The following SLC4A1AP variants were observed in gnomAD, a reference collection of about 807,000 sequenced individuals.
SLC4A1AP encodes the protein kanadaptin.
SLC4A1AP carries 64 observed loss-of-function variants against 89.7 expected under a neutral mutation model. The observed-to-expected ratio is 0.71, with a 90% CI of 0.58 to 0.88. The LOEUF is 0.88. Among genes scored for constraint, SLC4A1AP ranks in the 40% least tolerant of loss-of-function variants. The pLI is 0.00. For missense variants in SLC4A1AP, 931 were observed against 965.0 expected (o/e 0.96, Z 0.47); for synonymous variants, 366 against 353.3 (o/e 1.04, Z -0.40).
exon 13 of SLC4A1AP, chr2:27,693,720 T>C: frequency 3.1e-6 from 5 of 1,612,488 alleles, no homozygotes; most frequent in Non-Finnish European, 4.2e-6. Flanking sequence ...ATCCTGAAGA[T>C]GACCCAGACT....
Position 27,679,320 on chromosome 2 carries a change from C to T in SLC4A1AP, c.1763+1396C>T, listed in dbSNP as rs75196345. Among the ~76,000 whole-genome samples the T allele has an allele frequency of 9.2e-3, 1,405 of 152,210 alleles. 17 individuals carry two copies. Among genetic ancestry groups the T allele is most frequent in the African/African-American group, 0.032 (1,330 of 41,520 alleles). ...CAAAGGGGATGGATTAAATAAATTG[C>T]GGCCAGGTGCTGCGGCTTACGCCTG... On this transcript the variant is annotated intron_variant, in intron 8 of 13. Transcript: ENST00000613058.
intron 5 of SLC4A1AP, among the ~76,000 whole-genome samples, chr2:27,671,418 T>A (rs1447753406): frequency 6.6e-6 from 1 of 152,212 alleles, no homozygotes; most frequent in Non-Finnish European, 1.5e-5. Context: ...TTTTCATGTG[T>A]TTGGGGCTTT....
At chr2:27,682,296 A>G (rs1012876322) in exon 9 of SLC4A1AP, 1 of 1,613,988 alleles carries the variant, frequency 6.2e-7, no homozygotes, top group South Asian at 1.1e-5. Flanking sequence ...AAAAGCTTAC[A>G]TTGCCTCTAT....
At chr2:27,684,118 T>C (rs912557630) in intron 9 of SLC4A1AP, among the ~76,000 whole-genome samples, 5 of 152,096 alleles carry the variant, frequency 3.3e-5, no homozygotes. Flanking sequence ...ATTTTAGAAC[T>C]AAGTCCTATA....
intron 5 of SLC4A1AP, 66 bp from the exon 6 acceptor site, chr2:27,675,466 C>A: frequency 8.4e-7 from 1 of 1,183,668 alleles, no homozygotes; most frequent in Non-Finnish European, 1.2e-6. Context: ...TCCTTGCCTA[C>A]TTGCCTTCTT....
intron 12 of SLC4A1AP, 51 bp downstream of exon 12, chr2:27,688,818 C>G (rs1402319436): frequency 7.4e-7 from 1 of 1,357,686 alleles, no homozygotes; most frequent in Non-Finnish European, 1.0e-6. Context: ...TGTCATGGAC[C>G]ACATCCAGAA....
chr2:27,675,726 T>C (rs1675509654), intron 6 of SLC4A1AP, 34 bp downstream of exon 6: 1 of 1,417,026 alleles, frequency 7.1e-7, no homozygotes, highest in Non-Finnish European at 9.5e-7. Context: ...CTGTGGTATT[T>C]AATAGTTTAA....
chr2:27,687,585 T>G (rs1675723373), intron 10 of SLC4A1AP, among the ~76,000 whole-genome samples: 1 of 152,140 alleles, frequency 6.6e-6, no homozygotes, highest in African/African-American at 2.4e-5. Flanking sequence ...AGAAAAACCC[T>G]GTTTCTAAAA....
chr2:27,687,396 A>G (rs1439033422), intron 10 of SLC4A1AP, among the ~76,000 whole-genome samples: 1 of 152,040 alleles, frequency 6.6e-6, no homozygotes. Context: ...CAGCCTGGAC[A>G]AGATAGTGAA....
chr2:27,685,247 C>G (rs1489331645), exon 10 of SLC4A1AP: 1 of 1,611,904 alleles, frequency 6.2e-7, no homozygotes, highest in Non-Finnish European at 8.5e-7. Flanking sequence ...TCCCACAGAT[C>G]TCACACATTT....
chr2:27,686,635 G>C (rs1255268506), intron 10 of SLC4A1AP, among the ~76,000 whole-genome samples: 1 of 152,146 alleles, frequency 6.6e-6, no homozygotes, highest in African/African-American at 2.4e-5. Flanking sequence ...GGGCGTGATG[G>C]TGCATGCTTG....
chr2:27,689,797 A>G (rs139017449), intron 12 of SLC4A1AP, among the ~76,000 whole-genome samples: 1 of 152,338 alleles, frequency 6.6e-6, no homozygotes, highest in Non-Finnish European at 1.5e-5. Flanking sequence ...CTGGATTCCC[A>G]GATGCCAGCC....
chr2:27,684,135 A>G (rs2148138473), intron 9 of SLC4A1AP, among the ~76,000 whole-genome samples: 1 of 152,266 alleles, frequency 6.6e-6, no homozygotes, highest in Non-Finnish European at 1.5e-5. Context: ...TATATTTAAA[A>G]GATAATATAG....
At chr2:27,667,846 A>G (rs1378377860) in intron 3 of SLC4A1AP, among the ~76,000 whole-genome samples, 2 of 151,350 alleles carry the variant, frequency 1.3e-5, no homozygotes, top group Admixed American at 6.6e-5. Flanking sequence ...ATCTATGTAT[A>G]TGTATGTATA....
chr2:27,683,482 G>T (rs2148138162), intron 9 of SLC4A1AP, among the ~76,000 whole-genome samples: 1 of 152,226 alleles, frequency 6.6e-6, no homozygotes, highest in African/African-American at 2.4e-5. Flanking sequence ...TCTTCAGATG[G>T]CCATCCCTCT....
chr2:27,666,517 C>T lies in SLC4A1AP; in HGVS notation c.1022-751C>T, dbSNP rs1675326240. Among the ~76,000 whole-genome samples, 3 of 152,090 alleles carry T rather than the reference C, an allele frequency of 2.0e-5. No homozygotes were observed. In the South Asian group the frequency reaches 6.2e-4, roughly 32 times the overall value. ...GAAGCTGAGTATTGGGATTGGTATT[C>T]AGGGTAGGAATTGATGATTTTAAGG... On this transcript the variant is annotated intron_variant, in intron 2 of 13. Coordinates refer to ENST00000613058, the Ensembl canonical transcript of SLC4A1AP.
At chr2:27,680,933 C>T (rs1675609440) in intron 8 of SLC4A1AP, among the ~76,000 whole-genome samples, 1 of 151,612 alleles carries the variant, frequency 6.6e-6, no homozygotes, top group Non-Finnish European at 1.5e-5. Context: ...TTTTTCCTCC[C>T]TTTCCTATTT....
chr2:27,675,656 C>T, exon 6 of SLC4A1AP: 2 of 1,599,578 alleles, frequency 1.3e-6, no homozygotes, highest in South Asian at 1.1e-5. Flanking sequence ...AGAAGGCTGG[C>T]AAGATTGATG....
At chr2:27,683,090 T>G (rs1284929828) in intron 9 of SLC4A1AP, among the ~76,000 whole-genome samples, 1 of 152,184 alleles carries the variant, frequency 6.6e-6, no homozygotes, top group Non-Finnish European at 1.5e-5. Context: ...CAACACCTTT[T>G]GCTGTGTGGG....
Sources: allele counts gnomAD v4.1 joint callset (sites outside exome capture counted in the v4.1 genomes callset), GRCh38; gene constraint gnomAD v4.1.1; transcripts MANE v1.5; gene names NCBI Gene and HGNC (gene_info 2026-07-23, HGNC 2026-07-21).